The following ASAP1 variants were observed in gnomAD, a reference collection of about 807,000 sequenced individuals.
The protein encoded by ASAP1 is arf-GAP with SH3 domain, ANK repeat and PH domain-containing protein 1.
A neutral mutation model predicts 145.2 loss-of-function variants in ASAP1; 43 were observed. The observed-to-expected ratio is 0.30, with a 90% CI of 0.23 to 0.38. ASAP1 has a LOEUF of 0.38. Ranked by LOEUF, ASAP1 falls within the 10% of genes least tolerant of loss-of-function variation. ASAP1 has a pLI of 1.00. For synonymous variants in ASAP1, 546 were observed against 515.5 expected, an observed-to-expected ratio of 1.06 and a Z score of -0.80; for missense variants, 1,018 against 1,355.3, an observed-to-expected ratio of 0.75 and a Z score of 3.91.
intron 11 of ASAP1, among the ~76,000 whole-genome samples, chr8:130,164,242 T>C (rs576507759): frequency 6.6e-6 from 1 of 152,338 alleles, no homozygotes; most frequent in Admixed American, 6.5e-5. Flanking sequence ...AAAACAGGTG[T>C]AATTTTTGGA....
At chr8:130,056,671 ATG>A (rs1476205561) in intron 29 of ASAP1, among the ~76,000 whole-genome samples, 1 of 152,194 alleles carries the variant, frequency 6.6e-6, no homozygotes, top group Non-Finnish European at 1.5e-5. Flanking sequence ...GCCCATGCCT[ATG>A]TGTGTGTGCA....
chr8:130,108,352 T>A (rs1205685893), intron 24 of ASAP1, among the ~76,000 whole-genome samples: 1 of 152,224 alleles, frequency 6.6e-6, no homozygotes, highest in Non-Finnish European at 1.5e-5. Context: ...ATATCAGGTG[T>A]TCACCTTTCT....
intron 1 of ASAP1, among the ~76,000 whole-genome samples, chr8:130,442,174 G>C (rs1448109677): frequency 6.6e-6 from 1 of 152,158 alleles, no homozygotes; most frequent in Non-Finnish European, 1.5e-5. Flanking sequence ...AGAAGAGAAG[G>C]CACTAAAGTG....
intron 3 of ASAP1, among the ~76,000 whole-genome samples, chr8:130,306,170 T>A (rs1822979756): frequency 6.6e-6 from 1 of 152,150 alleles, no homozygotes; most frequent in South Asian, 2.1e-4. Context: ...ACCTCACGGG[T>A]TTCTTAGAGA....
At chr8:130,439,743 G>C (rs1830430918) in intron 1 of ASAP1, among the ~76,000 whole-genome samples, 1 of 152,176 alleles carries the variant, frequency 6.6e-6, no homozygotes, top group Non-Finnish European at 1.5e-5. Context: ...CCCCCGCAGG[G>C]GGAAGAACGT....
chr8:130,276,640 G>A (rs918312876), intron 3 of ASAP1, among the ~76,000 whole-genome samples: 3 of 150,948 alleles, frequency 2.0e-5, no homozygotes, highest in Admixed American at 1.3e-4. Context: ...AAATGGATTT[G>A]TGATTGGGAT....
intron 5 of ASAP1, among the ~76,000 whole-genome samples, chr8:130,198,730 G>C (rs1434117516): frequency 6.6e-6 from 1 of 152,216 alleles, no homozygotes; most frequent in Non-Finnish European, 1.5e-5. Context: ...GAGTAAAGCA[G>C]ATGATCAGGT....
At chr8:130,400,622 TA>T (rs113187171) in intron 2 of ASAP1, among the ~76,000 whole-genome samples, 61,719 of 150,724 alleles carry the variant, frequency 0.41, 13,891 homozygotes, top group African/African-American at 0.6. Context: ...CCGTCTCTAC[TA>T]AAAAAAAATA....
chr8:130,174,081 A>G (rs1813782878), intron 9 of ASAP1, among the ~76,000 whole-genome samples: 1 of 125,108 alleles, frequency 8.0e-6, no homozygotes, highest in Non-Finnish European at 1.6e-5. Flanking sequence ...GAGTGGCAAG[A>G]CTCCGTCTCC....
chr8:130,259,935 A>C (rs139546873), intron 3 of ASAP1, among the ~76,000 whole-genome samples: 1 of 152,340 alleles, frequency 6.6e-6, no homozygotes, highest in African/African-American at 2.4e-5. Flanking sequence ...GCAGCACCGA[A>C]AATTATTTTA....
At chr8:130,136,730 A>G (rs1223211277) in intron 14 of ASAP1, among the ~76,000 whole-genome samples, 6 of 152,186 alleles carry the variant, frequency 3.9e-5, no homozygotes, top group Non-Finnish European at 7.4e-5. Context: ...ATTCTATTCT[A>G]TTGCTGGTCA....
chr8:130,143,497 T>A (rs1370462224), intron 13 of ASAP1, among the ~76,000 whole-genome samples: 1 of 150,688 alleles, frequency 6.6e-6, no homozygotes, highest in Non-Finnish European at 1.5e-5. Flanking sequence ...TACACAGATG[T>A]CTTCATTTTA....
chr8:130,426,672 C>G (rs924250489), intron 1 of ASAP1, among the ~76,000 whole-genome samples: 2 of 152,194 alleles, frequency 1.3e-5, no homozygotes, highest in Admixed American at 1.3e-4. Context: ...GGCCCTGTGC[C>G]TAGGAATCGT....
chr8:130,300,908 G>A (rs977874747), intron 3 of ASAP1, among the ~76,000 whole-genome samples: 7 of 152,098 alleles, frequency 4.6e-5, no homozygotes, highest in African/African-American at 1.7e-4. Context: ...CTCTAAGAAG[G>A]GGGGCTCCCT....
intron 12 of ASAP1, among the ~76,000 whole-genome samples, chr8:130,155,307 G>A (rs1022375117): frequency 3.3e-5 from 5 of 152,138 alleles, no homozygotes; most frequent in Non-Finnish European, 5.9e-5. Context: ...CTTTCAGATC[G>A]CCAGAGGAAA....
chr8:130,162,296 A>T (rs1329791323), intron 11 of ASAP1, among the ~76,000 whole-genome samples: 3 of 133,302 alleles, frequency 2.3e-5, no homozygotes, highest in African/African-American at 8.6e-5. Context: ...AACAGTAGTA[A>T]CAGGTTTTTG....
At chr8:130,442,041 T>C (rs1830504549) in intron 1 of ASAP1, among the ~76,000 whole-genome samples, 2 of 152,212 alleles carry the variant, frequency 1.3e-5, no homozygotes, top group Non-Finnish European at 2.9e-5. Flanking sequence ...CAAATCCATT[T>C]GGTAGCTGAA....
At chr8:130,281,247 A>G (rs1398109921) in intron 3 of ASAP1, among the ~76,000 whole-genome samples, 1 of 152,162 alleles carries the variant, frequency 6.6e-6, no homozygotes, top group Non-Finnish European at 1.5e-5. Flanking sequence ...ACAACTCAAT[A>G]AAATTAGTAT....
intron 3 of ASAP1, among the ~76,000 whole-genome samples, chr8:130,354,652 A>C (rs975128251): frequency 3.3e-5 from 5 of 152,320 alleles, no homozygotes; most frequent in Middle Eastern, 6.8e-3. Context: ...GTCAAGAGTA[A>C]AATGGCACAC....
Sources: allele counts gnomAD v4.1 joint callset (sites outside exome capture counted in the v4.1 genomes callset), GRCh38; gene constraint gnomAD v4.1.1; transcripts MANE v1.5; gene names NCBI Gene and HGNC (gene_info 2026-07-23, HGNC 2026-07-21).